WWOX: variants seen among roughly 807,000 people sequenced by gnomAD.
WWOX encodes the protein WW domain containing oxidoreductase, also known as WW domain-containing oxidoreductase.
In WWOX, 69 loss-of-function variants were observed where a neutral mutation model predicts 46.2. The observed-to-expected ratio is 1.49, with a 90% CI of 1.23 to 1.82. The LOEUF (loss-of-function observed/expected upper bound fraction) is 1.82, where lower values mean the gene tolerates loss of function less well. Ranked by LOEUF, WWOX falls within the 40% of genes most tolerant of loss-of-function variation. The pLI is 0.00. For synonymous variants in WWOX, 359 were observed against 202.6 expected (o/e 1.77, Z -6.56); for missense variants, 919 against 542.6 (o/e 1.69, Z -6.89).
At chr16:78,179,996 G>A (rs985438467) in intron 5 of WWOX, among the ~76,000 whole-genome samples, 1 of 152,202 alleles carries the variant, frequency 6.6e-6, no homozygotes, top group Non-Finnish European at 1.5e-5. Flanking sequence ...TTAGTTTTTG[G>A]AAAGCAGACC....
chr16:79,177,681 C>G (rs1487763391), intron 8 of WWOX, among the ~76,000 whole-genome samples: 1 of 152,178 alleles, frequency 6.6e-6, no homozygotes, highest in Non-Finnish European at 1.5e-5. Flanking sequence ...TCATGCTTGG[C>G]ACTTACATTT....
chr16:78,418,567 G>A (rs567985909), intron 6 of WWOX, among the ~76,000 whole-genome samples: 28 of 152,198 alleles, frequency 1.8e-4, no homozygotes, highest in African/African-American at 6.3e-4. Context: ...CAAAATGCTA[G>A]CAAGCCAAAT....
At chr16:78,103,805 G>T (rs544564591) in intron 1 of WWOX, among the ~76,000 whole-genome samples, 1 of 152,176 alleles carries the variant, frequency 6.6e-6, no homozygotes, top group South Asian at 2.1e-4. Context: ...GATAGAGGCT[G>T]TAGCTCCCAC....
At chr16:78,886,763 A>G (rs1319798378) in intron 8 of WWOX, among the ~76,000 whole-genome samples, 2 of 152,016 alleles carry the variant, frequency 1.3e-5, no homozygotes, top group African/African-American at 2.4e-5. Context: ...ATTAAAGCAC[A>G]AGGAAAGGCT....
intron 8 of WWOX, among the ~76,000 whole-genome samples, chr16:78,736,463 C>G (rs867539260): frequency 6.6e-6 from 1 of 152,146 alleles, no homozygotes; most frequent in Non-Finnish European, 1.5e-5. Context: ...CACCTTTGCT[C>G]TCTCCTGACC....
rs981123556 is a variant in WWOX, at chr16:78,376,142, G to T, written c.517-10718G>T. Among the ~76,000 whole-genome samples the T allele has an allele frequency of 2.0e-5, 3 of 152,200 alleles. No individual in the cohort carries two copies. The East Asian group carries it at 5.8e-4, about 29-fold the overall frequency. On this transcript the variant is annotated intron_variant, in intron 5 of 8. Coordinates refer to ENST00000566780, the MANE Select transcript of WWOX (RefSeq NM_016373.4). ...TGGGATTACAGGCATGAGCCACCAC[G>T]CCCAGCCGCTTCTCGTAGATACTAC...
At chr16:78,319,296 T>C (rs574628574) in intron 5 of WWOX, among the ~76,000 whole-genome samples, 123 of 151,540 alleles carry the variant, frequency 8.1e-4, no homozygotes, top group African/African-American at 2.7e-3. Flanking sequence ...TATTTTCTTA[T>C]TTATTTTTGA....
chr16:78,457,640 A>G (rs1405825548), intron 8 of WWOX, among the ~76,000 whole-genome samples: 1 of 152,114 alleles, frequency 6.6e-6, no homozygotes, highest in African/African-American at 2.4e-5. Flanking sequence ...CTGGCCATGT[A>G]CGGTGGCTCA....
intron 8 of WWOX, among the ~76,000 whole-genome samples, chr16:78,713,806 T>C (rs751236603): frequency 6.6e-5 from 10 of 152,182 alleles, no homozygotes; most frequent in Admixed American, 1.3e-4. Flanking sequence ...CATTTTCTTA[T>C]GGCAACCCCT....
At chr16:78,875,439 G>C (rs1017873915) in intron 8 of WWOX, among the ~76,000 whole-genome samples, 2 of 152,094 alleles carry the variant, frequency 1.3e-5, no homozygotes, top group Admixed American at 6.5e-5. Context: ...TGCCTGGCTA[G>C]AATGATTAAA....
chr16:78,355,268 A>T (rs1190100547), intron 5 of WWOX, among the ~76,000 whole-genome samples: 1 of 149,416 alleles, frequency 6.7e-6, no homozygotes. Context: ...ATAAAAAAAA[A>T]GTATGTATAC....
chr16:79,094,039 C>T (rs749624722), intron 8 of WWOX, among the ~76,000 whole-genome samples: 1 of 152,164 alleles, frequency 6.6e-6, no homozygotes, highest in Non-Finnish European at 1.5e-5. Flanking sequence ...TGGGGTCACT[C>T]AGAAGTAGTG....
intron 8 of WWOX, among the ~76,000 whole-genome samples, chr16:78,666,229 T>G (rs893507789): frequency 1.3e-5 from 2 of 152,068 alleles, no homozygotes; most frequent in African/African-American, 2.4e-5. Context: ...CAAGGCTGTA[T>G]AGTAAACTGT....
intron 8 of WWOX, among the ~76,000 whole-genome samples, chr16:78,935,600 C>T (rs914237208): frequency 1.1e-4 from 15 of 135,110 alleles, no homozygotes. Context: ...ACACCGGGGC[C>T]TGTCGTGGGC....
chr16:78,921,440 T>G (rs534521003), intron 8 of WWOX, among the ~76,000 whole-genome samples: 1 of 152,344 alleles, frequency 6.6e-6, no homozygotes, highest in South Asian at 2.1e-4. Context: ...GCATTTGAGC[T>G]GCAAAATCAT....
At chr16:78,937,466 T>C (rs890100906) in intron 8 of WWOX, among the ~76,000 whole-genome samples, 14 of 146,454 alleles carry the variant, frequency 9.6e-5, no homozygotes, top group Non-Finnish European at 2.1e-4. Flanking sequence ...TTTTTTTTTT[T>C]TTTTTTTTAA....
At chr16:78,481,507 G>C (rs1000534278) in intron 8 of WWOX, among the ~76,000 whole-genome samples, 5 of 152,024 alleles carry the variant, frequency 3.3e-5, no homozygotes, top group African/African-American at 1.2e-4. Context: ...ATGTTCGTTT[G>C]TTTATCATTA....
rs777398819 is a variant in WWOX at position 78,393,517 on chromosome 16, C to T, written c.605+6569C>T. On this transcript the variant is annotated intron_variant, in intron 6 of 8. Transcript: ENST00000566780. ...CTATATTACAAAATTTTTTAAAAAA[C>T]GGTTTGTAGGTCCTTAAGTCCCTGA... is the stretch of plus-strand genomic sequence containing the variant. 5.3e-5 allele frequency among the ~76,000 whole-genome samples: 8 copies of T among 152,198 alleles called. 1 individual carries two copies. The highest frequency in any genetic ancestry group is 1.3e-4 in the Admixed American group (2 of 15,280).
chr16:79,202,034 C>T (rs55769136), intron 8 of WWOX, among the ~76,000 whole-genome samples: 4,354 of 151,456 alleles, frequency 0.029, 88 homozygotes, highest in Non-Finnish European at 0.05. Flanking sequence ...TATGGCCTGC[C>T]GGCTAAATCT....
Sources: allele counts gnomAD v4.1 joint callset (sites outside exome capture counted in the v4.1 genomes callset), GRCh38; gene constraint gnomAD v4.1.1; transcripts MANE v1.5; gene names NCBI Gene and HGNC (gene_info 2026-07-23, HGNC 2026-07-21).